IP6K2: variants seen among roughly 807,000 people sequenced by gnomAD.
IP6K2 encodes the protein ATP:1D-myo-inositol-hexakisphosphate phosphotransferase.
IP6K2 carries 9 observed loss-of-function variants against 43.3 expected under a neutral mutation model. The ratio of observed to expected loss-of-function variants is 0.21; its 90% CI spans 0.13 to 0.36. The LOEUF is 0.36. Ranked by LOEUF, IP6K2 falls within the 10% of genes least tolerant of loss-of-function variation. The probability of loss-of-function intolerance (pLI) is 1.00; values close to 1 mark genes in which losing one functional copy is unlikely to be tolerated. For missense variants in IP6K2, 332 were observed against 538.4 expected, an observed-to-expected ratio of 0.62 and a Z score of 3.79; for synonymous variants, 209 against 202.4, an observed-to-expected ratio of 1.03 and a Z score of -0.28.
chr3:48,695,300 C>T lies in IP6K2; in HGVS notation c.-9G>A, dbSNP rs200143726. The T allele has an allele frequency of 2.2e-3, 3,476 of 1,598,518 alleles. 11 individuals are homozygous for T. The highest frequency in any genetic ancestry group is 2.4e-3 in the Non-Finnish European group (2,754 of 1,169,692). ...CTGAAGGCTGGGCTCATCCTCCGGG[C>T]GCAGATGGCGGGGAGATGGGGGAGG... On this transcript the variant is annotated 5_prime_UTR_variant, in exon 2 of 6. Coordinates refer to ENST00000328631, the MANE Select transcript of IP6K2 (RefSeq NM_016291.4). The surrounding 1 kb of genome is among the most constrained non-coding windows in gnomAD (Gnocchi z 4.6).
chr3:48,696,287 T>G (rs1450222829), intron 1 of IP6K2, among the ~76,000 whole-genome samples: 1 of 152,178 alleles, frequency 6.6e-6, no homozygotes, highest in Non-Finnish European at 1.5e-5. Context: ...CTACCCACAC[T>G]GCTCCTGCCC....
At chr3:48,710,204 C>G (rs1289207698) in intron 1 of IP6K2, among the ~76,000 whole-genome samples, 1 of 152,114 alleles carries the variant, frequency 6.6e-6, no homozygotes, top group Non-Finnish European at 1.5e-5. Flanking sequence ...CTGGGCAACA[C>G]AGTGAGACCC....
intron 1 of IP6K2, among the ~76,000 whole-genome samples, chr3:48,709,920 T>C (rs928644796): frequency 2.0e-5 from 3 of 152,108 alleles, no homozygotes; most frequent in Admixed American, 6.5e-5. Context: ...CTGCCAATTA[T>C]GCTTCAGAAG....
intron 1 of IP6K2, among the ~76,000 whole-genome samples, chr3:48,701,427 C>T (rs1384147756): frequency 6.6e-6 from 1 of 151,564 alleles, no homozygotes; most frequent in Non-Finnish European, 1.5e-5. Context: ...AGTAGCTGGG[C>T]GTGGTGGCAG....
chr3:48,690,321 T>G (rs1403642039), intron 4 of IP6K2, among the ~76,000 whole-genome samples: 2 of 152,224 alleles, frequency 1.3e-5, no homozygotes, highest in Non-Finnish European at 2.9e-5. Flanking sequence ...GGAATGGTTT[T>G]TACATTTTTA....
At chr3:48,712,679 G>A (rs1278691028) in intron 1 of IP6K2, among the ~76,000 whole-genome samples, 2 of 152,196 alleles carry the variant, frequency 1.3e-5, no homozygotes, top group East Asian at 3.9e-4. Flanking sequence ...TCGCTGCACT[G>A]CCTTCCAGCC....
intron 5 of IP6K2, among the ~76,000 whole-genome samples, chr3:48,689,293 C>CTTGGG (rs2077576188): frequency 6.6e-6 from 1 of 152,184 alleles, no homozygotes; most frequent in African/African-American, 2.4e-5. Context: ...GCTGGTATTA[C>CTTGGG]AGCCGTGCAC....
intron 1 of IP6K2, among the ~76,000 whole-genome samples, chr3:48,712,656 T>C (rs1001046407): frequency 6.6e-6 from 1 of 152,110 alleles, no homozygotes; most frequent in Non-Finnish European, 1.5e-5. Flanking sequence ...GTTGAGGCCA[T>C]AGCGAGCTAT....
intron 2 of IP6K2, chr3:48,693,383 C>T (rs1356195709): frequency 1.7e-6 from 2 of 1,181,608 alleles, no homozygotes; most frequent in Admixed American, 1.8e-5. Context: ...AGGGAGCAAA[C>T]ATGGCTGAGA....
chr3:48,708,229 A>G (rs1450365619), intron 1 of IP6K2: 2 of 152,280 alleles, frequency 1.3e-5, no homozygotes, highest in Middle Eastern at 3.4e-3. Flanking sequence ...TGGGTGACAG[A>G]GCGAGACCCT....
In IP6K2 at chr3:48,695,485, TC is replaced by T; in HGVS notation, c.-130-65del. On this transcript the variant is annotated intron_variant, in intron 1 of 5. Transcript: ENST00000328631. The surrounding 1 kb of genome is among the most constrained non-coding windows in gnomAD (Gnocchi z 4.6). ...AGCGTGGGAAGTGCCTTAGAGCTGC[TC>T]ACCCTGCTCCTTCAGCAGAAAGACA... 12 of 1,314,546 alleles carry T rather than the reference TC, an allele frequency of 9.1e-6. No homozygotes were observed. The highest frequency in any genetic ancestry group is 7.6e-5 in the South Asian group (3 of 39,552). The allele number at this position is 1,314,546 out of a possible 1,614,324, so 81.4% of individuals were successfully genotyped here. A position where few individuals can be genotyped will look rare whatever the true frequency, so the allele number is the denominator to read the frequency against.
At chr3:48,693,289 G>T in intron 2 of IP6K2, 110 bp from the exon 3 acceptor site, 1 of 1,143,486 alleles carries the variant, frequency 8.7e-7, no homozygotes, top group Non-Finnish European at 1.3e-6. Context: ...TAGTCTCTAT[G>T]TTGCCAGAGG....
chr3:48,698,331 T>G (rs2078640517), intron 1 of IP6K2, among the ~76,000 whole-genome samples: 1 of 152,154 alleles, frequency 6.6e-6, no homozygotes, highest in African/African-American at 2.4e-5. Flanking sequence ...CACAAGATGC[T>G]CCTCATGGGC....
chr3:48,704,948 ATTTTT>A (rs971625853), intron 1 of IP6K2, among the ~76,000 whole-genome samples: 3 of 144,774 alleles, frequency 2.1e-5, no homozygotes, highest in Non-Finnish European at 3.1e-5. Flanking sequence ...AATTTTTCTA[ATTTTT>A]TTTTTTGAGA....
chr3:48,694,664 CATCT>C, intron 2 of IP6K2: 1 of 1,506,528 alleles, frequency 6.6e-7, no homozygotes, highest in Non-Finnish European at 8.8e-7. Context: ...TCCTGCATTC[CATCT>C]GACTCAACGC....
chr3:48,709,697 C>T (rs1288563176), intron 1 of IP6K2, among the ~76,000 whole-genome samples: 1 of 151,972 alleles, frequency 6.6e-6, no homozygotes, highest in Non-Finnish European at 1.5e-5. Context: ...ATTAGCCGGG[C>T]GTGGTGGCAG....
Position 48,688,225 on chromosome 3 carries a change from G to A in IP6K2, c.*48C>T, listed in dbSNP as rs781514727. 3.8e-6 allele frequency: 6 copies of A among 1,591,588 alleles called. No individual in the cohort carries two copies. Among genetic ancestry groups the A allele is most frequent in the African/African-American group, 2.7e-5 (2 of 74,816 alleles). ...GCTTCCTCCCTGACGCAGCACAGCTGTGCCTGGGACACAGAGTCGCTCTCA... is the reference window on the plus strand; with the variant it reads ...GCTTCCTCCCTGACGCAGCACAGCTATGCCTGGGACACAGAGTCGCTCTCA... On this transcript the variant is annotated 3_prime_UTR_variant, in exon 6 of 6. Transcript: ENST00000328631. This position sits in a 1 kb window ranked among gnomAD's most constrained non-coding sequence, Gnocchi z 5.1.
chr3:48,713,502 T>C (rs994020162), intron 1 of IP6K2, among the ~76,000 whole-genome samples: 1 of 150,798 alleles, frequency 6.6e-6, no homozygotes, highest in African/African-American at 2.5e-5. Context: ...ACAAACTAAG[T>C]GCAAAAGCAA....
intron 1 of IP6K2, among the ~76,000 whole-genome samples, chr3:48,715,714 CTTTTTTT>C (rs1210821366): frequency 7.0e-6 from 1 of 142,014 alleles, no homozygotes; most frequent in Non-Finnish European, 1.5e-5. Context: ...CTCTCTCTCT[CTTTTTTT>C]TTTTTTTTTT....
Sources: gnomAD v4.1 joint callset for allele counts (sites outside exome capture counted in the v4.1 genomes callset) on GRCh38, gnomAD v4.1.1 for gene constraint, Gnocchi (gnomAD v3.1) non-coding constraint, MANE v1.5 for transcripts, NCBI Gene and HGNC (gene_info 2026-07-23, HGNC 2026-07-21) for gene names.